The following RAPGEF4 variants were observed in gnomAD, a reference collection of about 807,000 sequenced individuals.
RAPGEF4 encodes the protein RAP guanine-nucleotide-exchange factor (GEF) 4.
In RAPGEF4, 66 loss-of-function variants were observed where a neutral mutation model predicts 147.9. The ratio of observed to expected loss-of-function variants is 0.45; its 90% CI spans 0.37 to 0.55. The LOEUF is 0.55. RAPGEF4 is among the 20% of genes least tolerant of loss of function. The pLI, the probability that RAPGEF4 is intolerant of heterozygous loss-of-function variation, is 0.00. For missense variants in RAPGEF4, 1,071 were observed against 1,257.3 expected (o/e 0.85, Z 2.24); for synonymous variants, 419 against 442.7 (o/e 0.95, Z 0.67).
At chr2:173,002,544 A>G (rs1032931634) in intron 17 of RAPGEF4, among the ~76,000 whole-genome samples, 7 of 152,204 alleles carry the variant, frequency 4.6e-5, no homozygotes, top group Non-Finnish European at 8.8e-5. Flanking sequence ...TTAGAACAAC[A>G]AAAATTTAGA....
At chr2:172,879,984 G>C (rs913936221) in intron 4 of RAPGEF4, among the ~76,000 whole-genome samples, 1 of 152,156 alleles carries the variant, frequency 6.6e-6, no homozygotes, top group Non-Finnish European at 1.5e-5. Context: ...TTTATATAAT[G>C]GAGCATGACA....
chr2:172,938,816 T>C (rs542019889), intron 6 of RAPGEF4, among the ~76,000 whole-genome samples: 30 of 152,330 alleles, frequency 2.0e-4, no homozygotes, highest in Non-Finnish European at 4.0e-4. Flanking sequence ...CCCTAAGCAA[T>C]TCCCTGTGCT....
Position 172,892,148 on chromosome 2 carries a change from G to A in RAPGEF4, c.445-25654G>A, listed in dbSNP as rs1238575384. On this transcript the variant is annotated intron_variant, in intron 4 of 30. Coordinates refer to ENST00000397081, the MANE Select transcript of RAPGEF4 (RefSeq NM_007023.4). ...GAGCAGGGCGGATGTGAGGGGTGGA[G>A]CAGTCTTAGATATTCCTGAGCATCC... Among the ~76,000 whole-genome samples the A allele has an allele frequency of 2.6e-5, 4 of 152,130 alleles. No individual in the cohort carries two copies. In the East Asian group the frequency reaches 7.7e-4, roughly 29 times the overall value.
intron 29 of RAPGEF4, among the ~76,000 whole-genome samples, chr2:173,037,674 G>A (rs1684217700): frequency 6.6e-6 from 1 of 152,062 alleles, no homozygotes; most frequent in Non-Finnish European, 1.5e-5. Flanking sequence ...GTGAGCATTT[G>A]CCCGGTCATG....
At chr2:172,973,530 C>T (rs1690738644) in intron 10 of RAPGEF4, among the ~76,000 whole-genome samples, 1 of 152,200 alleles carries the variant, frequency 6.6e-6, no homozygotes, top group South Asian at 2.1e-4. Flanking sequence ...GGGAAAGTTC[C>T]CGCAGGGAAC....
intron 4 of RAPGEF4, chr2:172,889,712 T>C (rs1697684923): frequency 2.7e-6 from 1 of 372,262 alleles, no homozygotes; most frequent in South Asian, 1.1e-4. Flanking sequence ...CGCTACCCAC[T>C]GCATCACTAA....
rs149525618 is a variant in RAPGEF4 at position 172,941,320 on chromosome 2, A to G, written c.537+19020A>G. Among the ~76,000 whole-genome samples, 3 of 152,304 alleles carry G rather than the reference A, an allele frequency of 2.0e-5. No homozygotes were observed. In the East Asian group the frequency reaches 5.8e-4, roughly 29 times the overall value. On this transcript the variant is annotated intron_variant, in intron 6 of 30. Transcript: ENST00000397081. ...TTTTACCTTATTTCTTAAGTCTTCC[A>G]TGAAGCATTATTTGTAATGGTGGCA...
chr2:173,037,282 T>C (rs924007982), intron 29 of RAPGEF4, among the ~76,000 whole-genome samples: 6 of 130,072 alleles, frequency 4.6e-5, no homozygotes, highest in African/African-American at 1.6e-4. Context: ...TGCAGTGTTG[T>C]GATCATAGCC....
Position 173,027,144 on chromosome 2 carries a change from T to G in RAPGEF4, c.2443T>G (p.Leu815Val), listed in dbSNP as rs1403899164. ...NFKKTTANLDLFLRRFNEIQF... is the reference protein window; with the variant it reads ...NFKKTTANLDVFLRRFNEIQF... The stretch of plus-strand genomic sequence containing the variant: ...TAAAAAGACCACAGCAAACTTGGAT[T>G]TGTTCCTGAGGAGATTTAATGAAAT... Residue 815 changes from leucine (L) to valine (V), a missense_variant, in exon 25 of 31, where the codon TTG becomes GTG. Leu to Val is a conservative substitution (Grantham distance 32). Transcript: ENST00000397081. 6.2e-7 allele frequency: 1 copy of G among 1,613,390 alleles called. No individual in the cohort carries two copies. The highest frequency in any genetic ancestry group is 8.5e-7 in the Non-Finnish European group (1 of 1,179,676).
intron 4 of RAPGEF4, among the ~76,000 whole-genome samples, chr2:172,911,671 C>A (rs925384429): frequency 6.6e-6 from 1 of 150,768 alleles, no homozygotes; most frequent in African/African-American, 2.4e-5. Context: ...GTTGGCCAGG[C>A]AGGTCTCAAA....
intron 6 of RAPGEF4, among the ~76,000 whole-genome samples, chr2:172,922,947 C>T (rs558899927): frequency 4.6e-5 from 7 of 152,232 alleles, no homozygotes; most frequent in South Asian, 2.1e-4. Context: ...GAAGGGTTAA[C>T]GATAGGAGTA....
intron 4 of RAPGEF4, among the ~76,000 whole-genome samples, chr2:172,870,977 A>G (rs940756929): frequency 1.5e-4 from 23 of 152,284 alleles, no homozygotes; most frequent in African/African-American, 5.1e-4. Context: ...ATTTATTTCT[A>G]TTAGAATTAA....
chr2:172,888,262 C>CT (rs1428652347), intron 4 of RAPGEF4, among the ~76,000 whole-genome samples: 1 of 152,176 alleles, frequency 6.6e-6, no homozygotes, highest in African/African-American at 2.4e-5. Flanking sequence ...TTTCCCTGTT[C>CT]TTTCACCTCC....
chr2:173,047,837 C>CG (rs1420998572), intron 29 of RAPGEF4, among the ~76,000 whole-genome samples: 1 of 151,996 alleles, frequency 6.6e-6, no homozygotes, highest in Non-Finnish European at 1.5e-5. Context: ...CCACCACGCC[C>CG]GGCTAATTTT....
chr2:172,918,052 T>C, intron 5 of RAPGEF4, 178 bp downstream of exon 5: 1 of 753,702 alleles, frequency 1.3e-6, no homozygotes. Flanking sequence ...TAATATAGTA[T>C]TAGTCTGTGG....
chr2:172,987,331 C>T lies in RAPGEF4; in HGVS notation c.1151-865C>T, dbSNP rs376214258. On this transcript the variant is annotated intron_variant, in intron 12 of 30. Coordinates refer to ENST00000397081, the MANE Select transcript of RAPGEF4 (RefSeq NM_007023.4). ...AATAAAAAATAAAAAATAAATTATA[C>T]AACTACACTTGAAGACCCTTTGTAC... 2.0e-4 allele frequency among the ~76,000 whole-genome samples: 31 copies of T among 152,194 alleles called. 1 individual carries two copies. The highest frequency in any genetic ancestry group is 1.5e-4 in the Non-Finnish European group (10 of 67,980).
At chr2:173,016,958 G>A (rs1051775008) in intron 19 of RAPGEF4, among the ~76,000 whole-genome samples, 2 of 152,184 alleles carry the variant, frequency 1.3e-5, no homozygotes, top group Non-Finnish European at 2.9e-5. Flanking sequence ...TTGAACATCG[G>A]TTCTGCCAGG....
At chr2:173,019,064 C>T (rs1695785343) in intron 22 of RAPGEF4, among the ~76,000 whole-genome samples, 1 of 150,628 alleles carries the variant, frequency 6.6e-6, no homozygotes, top group Non-Finnish European at 1.5e-5. Context: ...GGAGTTCTTT[C>T]AATTTAAACT....
chr2:172,761,010 A>G (rs1027243028), intron 1 of RAPGEF4, among the ~76,000 whole-genome samples: 12 of 152,042 alleles, frequency 7.9e-5, no homozygotes, highest in African/African-American at 2.6e-4. Context: ...GAGAGAAAGG[A>G]CACCTTACCT....
Sources: allele counts gnomAD v4.1 joint callset (sites outside exome capture counted in the v4.1 genomes callset), GRCh38; gene constraint gnomAD v4.1.1; transcripts MANE v1.5; gene names NCBI Gene and HGNC (gene_info 2026-07-23, HGNC 2026-07-21).